PPM1L: variants seen among roughly 807,000 people sequenced by gnomAD.
The protein encoded by PPM1L is protein phosphatase, Mg2+/Mn2+ dependent 1L, also known as protein phosphatase 1L.
In PPM1L, 13 loss-of-function variants were observed where a neutral mutation model predicts 31.4. That is an observed-to-expected ratio of 0.41 (90% CI 0.27 to 0.66). The LOEUF is 0.66. Ranked by LOEUF, PPM1L falls within the 30% of genes least tolerant of loss-of-function variation. The probability of loss-of-function intolerance (pLI) is 0.29; values close to 1 mark genes in which losing one functional copy is unlikely to be tolerated. For synonymous variants in PPM1L, 184 were observed against 175.4 expected (o/e 1.05, Z -0.39); for missense variants, 326 against 453.7 (o/e 0.72, Z 2.56).
intron 1 of PPM1L, chr3:160,842,130 G>A: frequency 3.2e-6 from 2 of 629,386 alleles, no homozygotes; most frequent in Non-Finnish European, 5.7e-6. Context: ...GGTTTCAGAA[G>A]GAGAGAGATT....
At chr3:161,028,415 G>A (rs529252331) in intron 2 of PPM1L, among the ~76,000 whole-genome samples, 1 of 152,284 alleles carries the variant, frequency 6.6e-6, no homozygotes, top group East Asian at 1.9e-4. Context: ...AGATGTGGGT[G>A]TGAGTGAGAC....
chr3:160,928,392 A>G (rs1263256720), intron 1 of PPM1L, among the ~76,000 whole-genome samples: 4 of 152,194 alleles, frequency 2.6e-5, no homozygotes, highest in Non-Finnish European at 5.9e-5. Flanking sequence ...AGGTGGTCAC[A>G]TGATTGAAAC....
In PPM1L at chr3:161,032,217, G is replaced by A. The variant is rs560585318; in HGVS notation, c.575-33186G>A. On this transcript the variant is annotated intron_variant, in intron 2 of 3. Coordinates refer to ENST00000498165, the MANE Select transcript of PPM1L (RefSeq NM_139245.4). ...CATGAAATTACCTTCATTCTATTCT[G>A]TTAGGGTTAGGTATTCCAGTATTTC... Among the ~76,000 whole-genome samples, 3 of 152,282 alleles carry A rather than the reference G, an allele frequency of 2.0e-5. No individual in the cohort carries two copies. In the East Asian group the frequency reaches 5.8e-4, roughly 29 times the overall value.
At chr3:160,843,714 A>T (rs372210135) in intron 1 of PPM1L, among the ~76,000 whole-genome samples, 1 of 151,622 alleles carries the variant, frequency 6.6e-6, no homozygotes, top group African/African-American at 2.4e-5. Context: ...ATTGTGGAAG[A>T]CAGTGTGGCG....
intron 1 of PPM1L, among the ~76,000 whole-genome samples, chr3:160,833,283 C>A (rs1409551140): frequency 1.3e-5 from 2 of 151,926 alleles, no homozygotes; most frequent in Non-Finnish European, 2.9e-5. Flanking sequence ...GGGTATATAC[C>A]CAGTAATGGG....
chr3:160,764,880 A>T (rs749576699), intron 1 of PPM1L, among the ~76,000 whole-genome samples: 13 of 152,144 alleles, frequency 8.5e-5, no homozygotes, highest in Non-Finnish European at 1.3e-4. Context: ...GTATACACTT[A>T]GGCTCCTCTA....
intron 1 of PPM1L, among the ~76,000 whole-genome samples, chr3:160,914,895 C>G (rs2108065871): frequency 6.6e-6 from 1 of 152,222 alleles, no homozygotes; most frequent in Non-Finnish European, 1.5e-5. Flanking sequence ...AACTAGTTTA[C>G]AGTCCCACCA....
At chr3:161,064,701 G>A (rs1339104211) in intron 2 of PPM1L, among the ~76,000 whole-genome samples, 1 of 152,122 alleles carries the variant, frequency 6.6e-6, no homozygotes, top group African/African-American at 2.4e-5. Context: ...TTTGAGCAGA[G>A]CTTGTCCTTT....
intron 1 of PPM1L, among the ~76,000 whole-genome samples, chr3:160,770,116 G>A (rs1309553935): frequency 6.6e-6 from 1 of 152,056 alleles, no homozygotes; most frequent in Non-Finnish European, 1.5e-5. Flanking sequence ...TTTAGCTTTA[G>A]TAGCATTTCT....
intron 1 of PPM1L, among the ~76,000 whole-genome samples, chr3:160,789,421 T>C (rs1014195449): frequency 4.6e-5 from 7 of 151,968 alleles, no homozygotes; most frequent in Non-Finnish European, 8.8e-5. Context: ...TTTGTATCTC[T>C]CTTATTATTT....
At chr3:160,867,808 T>C (rs1402219611) in intron 1 of PPM1L, among the ~76,000 whole-genome samples, 1 of 152,218 alleles carries the variant, frequency 6.6e-6, no homozygotes, top group Non-Finnish European at 1.5e-5. Context: ...AAGAGTCATT[T>C]TGGTTTAGTC....
chr3:160,974,095 C>T (rs1716464358), intron 2 of PPM1L, among the ~76,000 whole-genome samples: 1 of 134,198 alleles, frequency 7.5e-6, no homozygotes, highest in African/African-American at 2.8e-5. Flanking sequence ...TTGTTCAATT[C>T]CCACCTATGA....
At chr3:161,008,084 G>A (rs1717772616) in intron 2 of PPM1L, among the ~76,000 whole-genome samples, 1 of 152,104 alleles carries the variant, frequency 6.6e-6, no homozygotes, top group South Asian at 2.1e-4. Context: ...CTTCCCCAAG[G>A]CAGTTCATAG....
rs1160112479 is a variant in PPM1L, at chr3:160,801,908, G to C, written c.399+45201G>C. ...ATAGTCATTTCCAGCATTCCTTCCT[G>C]TTTCTTCTTACTTTTAGCCACCGCC... On this transcript the variant is annotated intron_variant, in intron 1 of 3. Transcript: ENST00000498165. Among the ~76,000 whole-genome samples the C allele has an allele frequency of 2.6e-5, 4 of 152,052 alleles. No homozygotes were observed. In the East Asian group the frequency reaches 5.8e-4, roughly 22 times the overall value.
chr3:160,885,024 G>A (rs1406635193), intron 1 of PPM1L, among the ~76,000 whole-genome samples: 1 of 152,036 alleles, frequency 6.6e-6, no homozygotes, highest in Non-Finnish European at 1.5e-5. Context: ...TTTTCAAAAG[G>A]CAAATTCTAT....
At position 160,756,875 on chromosome 3, in the gene PPM1L, A is replaced by G. The variant is rs1465062618; in HGVS notation, c.399+168A>G. On this transcript the variant is annotated intron_variant, in intron 1 of 3. Coordinates refer to ENST00000498165, the MANE Select transcript of PPM1L (RefSeq NM_139245.4). The surrounding 1 kb of genome is among the most constrained non-coding windows in gnomAD (Gnocchi z 6.2). ...ATGACACCACGGTGCCTGGCTGGAC[A>G]AATGCGGCTCAAGTTGCCAAAAGCA... 6.6e-6 allele frequency among the ~76,000 whole-genome samples: 1 copy of G among 151,854 alleles called. No individual in the cohort carries two copies. Among genetic ancestry groups the G allele is most frequent in the East Asian group, 1.9e-4 (1 of 5,142 alleles).
chr3:161,037,757 A>T (rs2108086446), intron 2 of PPM1L, among the ~76,000 whole-genome samples: 1 of 151,658 alleles, frequency 6.6e-6, no homozygotes, highest in East Asian at 2.0e-4. Context: ...GAGATGACTG[A>T]CAGCTTGACC....
chr3:160,981,376 A>G (rs888261990), intron 2 of PPM1L, among the ~76,000 whole-genome samples: 1 of 152,126 alleles, frequency 6.6e-6, no homozygotes, highest in Non-Finnish European at 1.5e-5. Context: ...AGAAAGCTTC[A>G]TTTCCTGTCT....
intron 2 of PPM1L, among the ~76,000 whole-genome samples, chr3:160,979,293 C>T (rs761109124): frequency 1.3e-5 from 2 of 152,090 alleles, no homozygotes; most frequent in Admixed American, 6.5e-5. Context: ...GGACCCTATC[C>T]TGACAGCTCA....
Sources: gnomAD v4.1 joint callset for allele counts (sites outside exome capture counted in the v4.1 genomes callset) on GRCh38, gnomAD v4.1.1 for gene constraint, Gnocchi (gnomAD v3.1) non-coding constraint, MANE v1.5 for transcripts, NCBI Gene and HGNC (gene_info 2026-07-23, HGNC 2026-07-21) for gene names.